RRM2B: variants seen among roughly 807,000 people sequenced by gnomAD.
The protein encoded by RRM2B is ribonucleotide reductase regulatory TP53 inducible subunit M2B.
RRM2B carries 20 observed loss-of-function variants against 45.9 expected under a neutral mutation model. The ratio of observed to expected loss-of-function variants is 0.44; its 90% confidence interval spans 0.31 to 0.63. The LOEUF is 0.63. RRM2B is among the 30% of genes least tolerant of loss of function. The pLI is 0.09. For missense variants in RRM2B, 320 were observed against 414.7 expected, an observed-to-expected ratio of 0.77 and a Z score of 1.98; for synonymous variants, 124 against 132.3, an observed-to-expected ratio of 0.94 and a Z score of 0.43.
chr8:102,218,791 T>C, intron 6 of RRM2B, 23 bp downstream of exon 6: 2 of 1,551,400 alleles, frequency 1.3e-6, no homozygotes, highest in Non-Finnish European at 1.8e-6. Flanking sequence ...CAAATATAAC[T>C]AGAAAAACAT....
chr8:102,235,787 C>T (rs1256020680), intron 1 of RRM2B, among the ~76,000 whole-genome samples: 1 of 151,992 alleles, frequency 6.6e-6, no homozygotes. Flanking sequence ...TGCAGTGAGC[C>T]GAGATTGTGC....
In RRM2B at chr8:102,208,059, T is replaced by G. The variant is rs982271811; in HGVS notation, c.*74A>C. 5 of 1,306,912 alleles carry G rather than the reference T, an allele frequency of 3.8e-6. No homozygotes were observed. In the African/African-American group the frequency reaches 4.4e-5, roughly 12 times the overall value. 81.0% of individuals were successfully genotyped at this position (1,306,912 alleles called of 1,614,324 possible). On this transcript the variant is annotated 3_prime_UTR_variant, in exon 9 of 9. Transcript: ENST00000251810. ...AGTCCTTTAAAGGATATACTTAAAATTTTTTTTAAGCAGAGGAAAATAGAC... is the reference window on the plus strand; with the variant it reads ...AGTCCTTTAAAGGATATACTTAAAAGTTTTTTTAAGCAGAGGAAAATAGAC...
chr8:102,232,055 T>C, intron 2 of RRM2B, 94 bp downstream of exon 2: 1 of 1,118,058 alleles, frequency 8.9e-7, no homozygotes. Context: ...CTGATCTTCT[T>C]CAATGTATAA....
chr8:102,208,941 G>A (rs1017144872), intron 8 of RRM2B, among the ~76,000 whole-genome samples: 2 of 152,220 alleles, frequency 1.3e-5, no homozygotes, highest in African/African-American at 4.8e-5. Flanking sequence ...CCTGAAGTCA[G>A]GAGTTTGAGA....
chr8:102,232,821 T>C (rs1218911766), intron 1 of RRM2B, among the ~76,000 whole-genome samples: 1 of 152,232 alleles, frequency 6.6e-6, no homozygotes, highest in Non-Finnish European at 1.5e-5. Flanking sequence ...TGAAAACTCA[T>C]TACCTACAAC....
intron 1 of RRM2B, chr8:102,238,400 G>T (rs983760301): frequency 4.0e-6 from 2 of 505,128 alleles, no homozygotes; most frequent in East Asian, 1.4e-4. Flanking sequence ...ATTTCCACAC[G>T]CGTTCTCCAA....
intron 1 of RRM2B, 138 bp from the exon 2 acceptor site, chr8:102,232,442 C>A: frequency 1.2e-6 from 1 of 816,728 alleles, no homozygotes; most frequent in Non-Finnish European, 2.1e-6. Context: ...TTACTGTTAC[C>A]TGGTAGCTGA....
intron 2 of RRM2B, among the ~76,000 whole-genome samples, chr8:102,226,663 A>C (rs866584418): frequency 2.0e-5 from 3 of 152,322 alleles, no homozygotes; most frequent in Middle Eastern, 3.4e-3. Flanking sequence ...CTTTACTGCC[A>C]GGTAATCAGT....
chr8:102,222,599 T>C (rs982181560), intron 5 of RRM2B, among the ~76,000 whole-genome samples: 6 of 152,204 alleles, frequency 3.9e-5, no homozygotes, highest in Non-Finnish European at 7.3e-5. Context: ...TCTCATACTT[T>C]ACAATGGTAT....
intron 1 of RRM2B, chr8:102,234,992 A>C (rs1811096014): frequency 6.6e-6 from 1 of 152,322 alleles, no homozygotes; most frequent in Admixed American, 6.5e-5. Flanking sequence ...CTGATTTTTA[A>C]AAAATTTTGG....
chr8:102,215,924 G>A (rs1810721354), intron 6 of RRM2B, among the ~76,000 whole-genome samples: 1 of 113,224 alleles, frequency 8.8e-6, no homozygotes, highest in South Asian at 2.6e-4. Context: ...CAGCCTGGGT[G>A]ACAGAGAAAG....
intron 5 of RRM2B, among the ~76,000 whole-genome samples, chr8:102,220,115 T>C (rs1415956316): frequency 1.3e-5 from 2 of 152,106 alleles, no homozygotes; most frequent in Admixed American, 6.5e-5. Context: ...GGTGCGCACC[T>C]GTAGTCACAG....
intron 3 of RRM2B, 123 bp downstream of exon 3, chr8:102,225,795 G>C (rs753876386): frequency 1.1e-5 from 8 of 715,222 alleles, no homozygotes; most frequent in Non-Finnish European, 2.0e-5. Context: ...CATTTAAAGA[G>C]TTAAGCTTCA....
intron 2 of RRM2B, 103 bp downstream of exon 2, chr8:102,232,046 T>C (rs1288413370): frequency 4.7e-6 from 5 of 1,054,992 alleles, no homozygotes; most frequent in African/African-American, 3.1e-5. Flanking sequence ...CTTCTACAAC[T>C]GATCTTCTTC....
chr8:102,230,148 T>A (rs1358084365), intron 2 of RRM2B, among the ~76,000 whole-genome samples: 1 of 152,238 alleles, frequency 6.6e-6, no homozygotes, highest in Non-Finnish European at 1.5e-5. Context: ...CAGACTTTTG[T>A]CTTTTGATCA....
At chr8:102,210,823 C>T (rs1364980998) in intron 8 of RRM2B, among the ~76,000 whole-genome samples, 8 of 152,084 alleles carry the variant, frequency 5.3e-5, no homozygotes. Context: ...TAGTGTGGAA[C>T]TCCTGGGGTC....
intron 8 of RRM2B, among the ~76,000 whole-genome samples, chr8:102,208,843 A>G (rs1810586978): frequency 6.6e-6 from 1 of 152,150 alleles, no homozygotes; most frequent in African/African-American, 2.4e-5. Context: ...AAGCTTTTTT[A>G]CTGCTTCAGA....
At chr8:102,214,766 A>AAAAT (rs28928604) in intron 6 of RRM2B, among the ~76,000 whole-genome samples, 51 of 149,906 alleles carry the variant, frequency 3.4e-4, no homozygotes, top group Admixed American at 1.1e-3. Flanking sequence ...AAAAAAATAA[A>AAAAT]AAATAAATAA....
At chr8:102,211,331 C>T (rs889792960) in intron 8 of RRM2B, among the ~76,000 whole-genome samples, 2 of 152,208 alleles carry the variant, frequency 1.3e-5, no homozygotes, top group African/African-American at 4.8e-5. Flanking sequence ...GTAGATTAAG[C>T]TTTTTGGCAA....
Sources: allele counts gnomAD v4.1 joint callset (sites outside exome capture counted in the v4.1 genomes callset), GRCh38; gene constraint gnomAD v4.1.1; transcripts MANE v1.5; gene names NCBI Gene and HGNC (gene_info 2026-07-23, HGNC 2026-07-21).